Variants in DGLUCY observed in about 807,000 individuals in gnomAD.
DGLUCY encodes the protein D-glutamate cyclase, mitochondrial.
A neutral mutation model predicts 58.5 loss-of-function variants in DGLUCY; 58 were observed. That is an observed-to-expected ratio of 0.99 (90% CI 0.80 to 1.23). The LOEUF is 1.23. Among genes scored for constraint, DGLUCY ranks in the 50% most tolerant of loss-of-function variants. The pLI is 0.00. For synonymous variants in DGLUCY, 325 were observed against 314.1 expected (o/e 1.03, Z -0.37); for missense variants, 779 against 784.7 (o/e 0.99, Z 0.09).
At chr14:91,149,116 G>A (rs894808306) in intron 1 of DGLUCY, among the ~76,000 whole-genome samples, 59 of 151,880 alleles carry the variant, frequency 3.9e-4, no homozygotes, top group African/African-American at 1.2e-3. Flanking sequence ...GCGTGGTGGC[G>A]CATGCCTGTA....
At chr14:91,202,575 A>G (rs2050639490) in intron 11 of DGLUCY, among the ~76,000 whole-genome samples, 1 of 152,144 alleles carries the variant, frequency 6.6e-6, no homozygotes, top group Non-Finnish European at 1.5e-5. Flanking sequence ...GTTGGCTTCC[A>G]GCTTCCTGTT....
intron 1 of DGLUCY, among the ~76,000 whole-genome samples, chr14:91,101,204 A>G (rs1427229495): frequency 6.6e-6 from 1 of 152,192 alleles, no homozygotes; most frequent in Non-Finnish European, 1.5e-5. Flanking sequence ...ATTGTTGGCT[A>G]TAGGTACAAC....
intron 1 of DGLUCY, among the ~76,000 whole-genome samples, chr14:91,087,319 CT>C (rs1253480451): frequency 8.8e-5 from 13 of 148,548 alleles, no homozygotes; most frequent in African/African-American, 1.8e-4. Flanking sequence ...AGAACCCCCC[CT>C]GTCTGATGGG....
At chr14:91,207,642 G>A (rs1884971584) in intron 12 of DGLUCY, among the ~76,000 whole-genome samples, 1 of 152,088 alleles carries the variant, frequency 6.6e-6, no homozygotes, top group Admixed American at 6.6e-5. Flanking sequence ...AGGCAGGTGG[G>A]GAAAACCCTT....
intron 1 of DGLUCY, among the ~76,000 whole-genome samples, chr14:91,153,214 G>A (rs754142936): frequency 1.3e-5 from 2 of 152,030 alleles, no homozygotes; most frequent in Admixed American, 6.6e-5. Context: ...ACACAGTCTC[G>A]CTCTGTCGCC....
At chr14:91,125,679 A>C (rs762121389) in intron 1 of DGLUCY, 1 of 152,228 alleles carries the variant, frequency 6.6e-6, no homozygotes, top group Non-Finnish European at 1.5e-5. Context: ...AAGGTTGGGC[A>C]CAGTGGCTCA....
intron 1 of DGLUCY, among the ~76,000 whole-genome samples, chr14:91,076,112 C>CA (rs34599316): frequency 0.025 from 2,202 of 89,180 alleles, 43 homozygotes; most frequent in African/African-American, 0.08. Context: ...GACTCTGTCT[C>CA]AAAAAAAAAA....
Position 91,174,950 on chromosome 14 carries a change from G to A in DGLUCY, c.608-984G>A, listed in dbSNP as rs536648413. Among the ~76,000 whole-genome samples the A allele has an allele frequency of 7.9e-5, 12 of 152,264 alleles. No homozygotes were observed. The South Asian group carries it at 1.2e-3, about 16-fold the overall frequency. ...GTCTTCTGTGTGGATGACTGTTACT[G>A]CGGTGTGAGAGCAGAGGAAACACAC... On this transcript the variant is annotated intron_variant, in intron 6 of 13. Transcript: ENST00000256324.
chr14:91,165,338 G>A (rs2048218510), intron 3 of DGLUCY: 2 of 447,130 alleles, frequency 4.5e-6, no homozygotes, highest in East Asian at 7.1e-5. Flanking sequence ...TCTCTTGGAG[G>A]TAGGTATGGT....
At chr14:91,084,549 CT>C (rs201126904) in intron 1 of DGLUCY, among the ~76,000 whole-genome samples, 2,224 of 152,114 alleles carry the variant, frequency 0.015, 30 homozygotes, top group Middle Eastern at 0.027. Flanking sequence ...CTCCCACCCC[CT>C]AGCACTAACG....
chr14:91,139,971 G>A (rs2046558503), intron 1 of DGLUCY, among the ~76,000 whole-genome samples: 1 of 151,962 alleles, frequency 6.6e-6, no homozygotes, highest in African/African-American at 2.4e-5. Flanking sequence ...GAGAAAGGGA[G>A]CAGGTAGGGG....
chr14:91,120,097 T>C (rs543963344), intron 1 of DGLUCY, among the ~76,000 whole-genome samples: 1 of 152,274 alleles, frequency 6.6e-6, no homozygotes, highest in African/African-American at 2.4e-5. Flanking sequence ...TGTGAGTCAA[T>C]ACTCCTTAAT....
chr14:91,195,476 CTG>C (rs1420032008), intron 9 of DGLUCY, among the ~76,000 whole-genome samples: 2 of 152,052 alleles, frequency 1.3e-5, no homozygotes, highest in African/African-American at 2.4e-5. Context: ...GGCACAGACT[CTG>C]GGAATTTCCT....
chr14:91,136,039 A>G (rs367943021), intron 1 of DGLUCY, among the ~76,000 whole-genome samples: 164 of 140,116 alleles, frequency 1.2e-3, no homozygotes, highest in African/African-American at 3.5e-3. Context: ...GGTTCACGCC[A>G]TTCTCCTGCC....
chr14:91,201,985 G>A (rs1410742783), intron 11 of DGLUCY, among the ~76,000 whole-genome samples: 10 of 151,804 alleles, frequency 6.6e-5, no homozygotes, highest in African/African-American at 2.4e-4. Context: ...AACCCAGGAG[G>A]TGGAAGTTAC....
chr14:91,196,225 C>A, intron 9 of DGLUCY, 150 bp from the exon 10 acceptor site: 1 of 638,514 alleles, frequency 1.6e-6, no homozygotes, highest in Non-Finnish European at 2.8e-6. Flanking sequence ...TCCTCTGTGT[C>A]ATGGCCTCGG....
chr14:91,123,927 CT>C (rs113927504), intron 1 of DGLUCY, among the ~76,000 whole-genome samples: 6,378 of 131,646 alleles, frequency 0.048, 93 homozygotes, highest in Middle Eastern at 0.071. Flanking sequence ...AATAATCAGA[CT>C]TTTTTTTTTT....
chr14:91,151,897 A>G (rs996881051), intron 1 of DGLUCY, among the ~76,000 whole-genome samples: 2 of 151,692 alleles, frequency 1.3e-5, no homozygotes, highest in African/African-American at 2.4e-5. Flanking sequence ...TCGGCCTCCC[A>G]AAGTGCTGGG....
At chr14:91,171,043 A>G (rs2048549840) in intron 5 of DGLUCY, among the ~76,000 whole-genome samples, 1 of 152,098 alleles carries the variant, frequency 6.6e-6, no homozygotes, top group South Asian at 2.1e-4. Flanking sequence ...GAAGCTAGGG[A>G]AGGGTGGGGA....
Sources: gnomAD v4.1 joint callset for allele counts (sites outside exome capture counted in the v4.1 genomes callset) on GRCh38, gnomAD v4.1.1 for gene constraint, MANE v1.5 for transcripts, NCBI Gene and HGNC (gene_info 2026-07-23, HGNC 2026-07-21) for gene names.